The following TAFA1 variants were observed in gnomAD, a reference collection of about 807,000 sequenced individuals.
TAFA1 encodes TAFA chemokine like family member 1.
A neutral mutation model predicts 18.5 loss-of-function variants in TAFA1; 4 were observed. The observed-to-expected ratio is 0.22, with a 90% CI of 0.11 to 0.49. The LOEUF is 0.49. Ranked by LOEUF, TAFA1 falls within the 20% of genes least tolerant of loss-of-function variation. The pLI is 0.98. For synonymous variants in TAFA1, 56 were observed against 55.2 expected, an observed-to-expected ratio of 1.01 and a Z score of -0.06; for missense variants, 147 against 169.0, an observed-to-expected ratio of 0.87 and a Z score of 0.72.
intron 3 of TAFA1, among the ~76,000 whole-genome samples, chr3:68,510,477 C>T (rs2072828497): frequency 6.6e-6 from 1 of 152,102 alleles, no homozygotes; most frequent in Non-Finnish European, 1.5e-5. Context: ...GCCTGCATCC[C>T]TTTTAAACCA....
intron 2 of TAFA1, among the ~76,000 whole-genome samples, chr3:68,220,083 C>T (rs1167403780): frequency 2.0e-5 from 3 of 151,980 alleles, no homozygotes; most frequent in South Asian, 2.1e-4. Context: ...TTGTGTAAGT[C>T]GAAATATGAA....
chr3:68,318,679 G>C (rs2068646567), intron 2 of TAFA1, among the ~76,000 whole-genome samples: 1 of 152,112 alleles, frequency 6.6e-6, no homozygotes, highest in Non-Finnish European at 1.5e-5. Flanking sequence ...TGATAGAAGA[G>C]GATAAATCTC....
intron 2 of TAFA1, among the ~76,000 whole-genome samples, chr3:68,032,871 C>T (rs77263512): frequency 5.3e-5 from 8 of 152,198 alleles, no homozygotes; most frequent in South Asian, 4.2e-4. Context: ...TTTGCTCTTG[C>T]GCTTTTCAGT....
In TAFA1 at chr3:68,480,357, C is replaced by G. The variant is rs537394047; in HGVS notation, c.260-58399C>G. Among the ~76,000 whole-genome samples the G allele has an allele frequency of 2.6e-5, 4 of 152,016 alleles. No individual in the cohort carries two copies. The East Asian group carries it at 7.8e-4, about 29-fold the overall frequency. On this transcript the variant is annotated intron_variant, in intron 3 of 4. Transcript: ENST00000478136. ...GGCGGAGGTTGCAGTGAGGCAAGAT[C>G]GTGCCATTGCACTCCAGCCTGGGTG...
chr3:68,371,617 A>C (rs1275895877), intron 2 of TAFA1, among the ~76,000 whole-genome samples: 1 of 152,100 alleles, frequency 6.6e-6, no homozygotes, highest in East Asian at 1.9e-4. Flanking sequence ...TTCTTTATCC[A>C]GTCTATCATT....
intron 2 of TAFA1, among the ~76,000 whole-genome samples, chr3:68,046,592 A>G (rs996468529): frequency 6.6e-6 from 1 of 152,174 alleles, no homozygotes; most frequent in African/African-American, 2.4e-5. Flanking sequence ...TGATTCTTTG[A>G]TGATAAATAT....
the TAFA1 span, among the ~76,000 whole-genome samples, chr3:67,996,810 GAA>G: frequency 4.3e-3 from 636 of 149,462 alleles, 5 homozygotes; most frequent in East Asian, 0.025. Flanking sequence ...ACAAAAATAA[GAA>G]AAAAAAAAAT....
At chr3:68,397,608 G>A (rs2070408786) in intron 2 of TAFA1, among the ~76,000 whole-genome samples, 1 of 152,184 alleles carries the variant, frequency 6.6e-6, no homozygotes, top group African/African-American at 2.4e-5. Flanking sequence ...ATTGTGAACA[G>A]TGACACAATA....
chr3:68,290,696 G>T (rs2068089180), intron 2 of TAFA1, among the ~76,000 whole-genome samples: 2 of 152,118 alleles, frequency 1.3e-5, no homozygotes, highest in African/African-American at 4.8e-5. Flanking sequence ...CTTCACATAA[G>T]TCAAAAGATA....
intron 3 of TAFA1, among the ~76,000 whole-genome samples, chr3:68,479,384 C>T (rs1251565936): frequency 6.6e-6 from 1 of 151,768 alleles, no homozygotes; most frequent in African/African-American, 2.4e-5. Context: ...TTGTTTACAT[C>T]TTGCTTTTTC....
chr3:68,115,732 C>A lies in TAFA1; in HGVS notation c.118+108988C>A, dbSNP rs2065317496. ...GAATGCTAACCAGGAGATGCCTACA[C>A]CTTATTGGTTTATTCCCATGTGCTG... On this transcript the variant is annotated intron_variant, in intron 2 of 4. Coordinates refer to ENST00000478136, the MANE Select transcript of TAFA1 (RefSeq NM_213609.4). Among the ~76,000 whole-genome samples the A allele has an allele frequency of 2.6e-5, 4 of 152,122 alleles. No homozygotes were observed. In the South Asian group the frequency reaches 8.3e-4, roughly 32 times the overall value.
At chr3:68,080,886 T>G (rs531340849) in intron 2 of TAFA1, among the ~76,000 whole-genome samples, 91 of 152,332 alleles carry the variant, frequency 6.0e-4, no homozygotes, top group African/African-American at 2.0e-3. Context: ...GAAGTTCTCC[T>G]GGATAATATC....
chr3:68,306,473 A>C (rs117028481), intron 2 of TAFA1, among the ~76,000 whole-genome samples: 1 of 152,036 alleles, frequency 6.6e-6, no homozygotes, highest in East Asian at 1.9e-4. Flanking sequence ...ATTCAGAAAT[A>C]TTCTTTTTAA....
intron 2 of TAFA1, among the ~76,000 whole-genome samples, chr3:68,194,174 A>G (rs1419909306): frequency 1.3e-5 from 2 of 151,704 alleles, no homozygotes; most frequent in Non-Finnish European, 2.9e-5. Context: ...AGCAAGTAGA[A>G]TGGCCAGCCT....
At chr3:68,058,542 A>G (rs1046312792) in intron 2 of TAFA1, among the ~76,000 whole-genome samples, 3 of 152,208 alleles carry the variant, frequency 2.0e-5, no homozygotes, top group African/African-American at 7.2e-5. Flanking sequence ...GAATGTTCAC[A>G]AGATCTCTGA....
At chr3:68,163,701 T>C (rs1178138208) in intron 2 of TAFA1, among the ~76,000 whole-genome samples, 1 of 152,216 alleles carries the variant, frequency 6.6e-6, no homozygotes, top group African/African-American at 2.4e-5. Flanking sequence ...CTGGATTTTG[T>C]TCATTACAGT....
At chr3:68,148,899 C>A (rs1190939712) in intron 2 of TAFA1, among the ~76,000 whole-genome samples, 1 of 152,116 alleles carries the variant, frequency 6.6e-6, no homozygotes. Flanking sequence ...TATAGAATAC[C>A]AAAATGAATT....
At chr3:68,250,167 C>G (rs1185581631) in intron 2 of TAFA1, among the ~76,000 whole-genome samples, 1 of 152,074 alleles carries the variant, frequency 6.6e-6, no homozygotes, top group South Asian at 2.1e-4. Context: ...TTAATCCAGA[C>G]TTCTCCATGT....
At position 68,166,685 on chromosome 3, in the gene TAFA1, G is replaced by T. The variant is rs528619947; in HGVS notation, c.118+159941G>T. ...CTCCCTTGTGAAGCGCATAATGGGA[G>T]AGCACCCCTCCCTGGAGGACGGGAA... On this transcript the variant is annotated intron_variant, in intron 2 of 4. Coordinates refer to ENST00000478136, the MANE Select transcript of TAFA1 (RefSeq NM_213609.4). 2.0e-5 allele frequency among the ~76,000 whole-genome samples: 3 copies of T among 152,186 alleles called. No homozygotes were observed. In the South Asian group the frequency reaches 6.2e-4, roughly 31 times the overall value.
Sources: gnomAD v4.1 joint callset for allele counts (sites outside exome capture counted in the v4.1 genomes callset) on GRCh38, gnomAD v4.1.1 for gene constraint, MANE v1.5 for transcripts, NCBI Gene and HGNC (gene_info 2026-07-23, HGNC 2026-07-21) for gene names.